The following OSBP2 variants were observed in gnomAD, a reference collection of about 807,000 sequenced individuals.
The protein encoded by OSBP2 is oxysterol binding protein 2, also known as oxysterol-binding protein 2.
OSBP2 carries 66 observed loss-of-function variants against 96.0 expected under a neutral mutation model. The ratio of observed to expected loss-of-function variants is 0.69; its 90% CI spans 0.56 to 0.84. OSBP2 has a LOEUF of 0.84. OSBP2 is among the 40% of genes least tolerant of loss of function. The pLI, the probability that OSBP2 is intolerant of heterozygous loss-of-function variation, is 0.00. For missense variants in OSBP2, 1,038 were observed against 1,222.7 expected, an observed-to-expected ratio of 0.85 and a Z score of 2.25; for synonymous variants, 525 against 520.9, an observed-to-expected ratio of 1.01 and a Z score of -0.11.
chr22:30,737,756 A>G (rs1474296824), intron 1 of OSBP2, among the ~76,000 whole-genome samples: 2 of 151,624 alleles, frequency 1.3e-5, no homozygotes, highest in African/African-American at 4.9e-5. Flanking sequence ...TCTGTTGCCC[A>G]GGCTGGAGTG....
intron 12 of OSBP2, among the ~76,000 whole-genome samples, chr22:30,903,522 A>G (rs1283339599): frequency 6.6e-6 from 1 of 152,220 alleles, no homozygotes; most frequent in Non-Finnish European, 1.5e-5. Context: ...TCCACGGAGA[A>G]AACACAGTGA....
intron 1 of OSBP2, among the ~76,000 whole-genome samples, chr22:30,725,076 T>C (rs1249256395): frequency 6.7e-6 from 1 of 149,524 alleles, no homozygotes; most frequent in Non-Finnish European, 1.5e-5. Context: ...CTCGGGAGGC[T>C]GAGGCAGGAG....
At chr22:30,905,757 G>C in intron 12 of OSBP2, 80 bp from the exon 13 acceptor site, 1 of 1,570,352 alleles carries the variant, frequency 6.4e-7, no homozygotes, top group Non-Finnish European at 8.6e-7. Flanking sequence ...AGGAGACACC[G>C]CCAGGCAGGG....
chr22:30,750,702 C>A (rs1053341930), intron 2 of OSBP2, among the ~76,000 whole-genome samples: 3 of 152,216 alleles, frequency 2.0e-5, no homozygotes, highest in African/African-American at 4.8e-5. Context: ...AACCTCTTAT[C>A]CCAACCCAGG....
chr22:30,865,044 A>G (rs573949464), intron 2 of OSBP2, among the ~76,000 whole-genome samples: 1 of 152,284 alleles, frequency 6.6e-6, no homozygotes, highest in Non-Finnish European at 1.5e-5. Context: ...GGCTTCCCCA[A>G]TGAGAAACTT....
chr22:30,789,667 G>A (rs1312048481), intron 2 of OSBP2, among the ~76,000 whole-genome samples: 1 of 152,238 alleles, frequency 6.6e-6, no homozygotes, highest in Non-Finnish European at 1.5e-5. Context: ...TTCCAAGGCT[G>A]TTGGAGGACC....
intron 2 of OSBP2, among the ~76,000 whole-genome samples, chr22:30,849,663 A>T (rs781117153): frequency 2.6e-5 from 4 of 152,150 alleles, no homozygotes; most frequent in Non-Finnish European, 5.9e-5. Flanking sequence ...TATTGGGAAA[A>T]ACTTCTCCTG....
chr22:30,748,747 A>ATTCC (rs1248028800), intron 2 of OSBP2, among the ~76,000 whole-genome samples: 3 of 152,250 alleles, frequency 2.0e-5, no homozygotes, highest in Non-Finnish European at 4.4e-5. Context: ...AAGATCACTT[A>ATTCC]TTAGAGACTA....
chr22:30,822,574 C>G (rs990865077), intron 2 of OSBP2: 1 of 1,516,214 alleles, frequency 6.6e-7, no homozygotes, highest in African/African-American at 1.4e-5. Flanking sequence ...CGTGCAAGCC[C>G]CCGGGACCCG....
chr22:30,854,203 T>C (rs760786990), intron 2 of OSBP2, among the ~76,000 whole-genome samples: 1 of 152,146 alleles, frequency 6.6e-6, no homozygotes, highest in Non-Finnish European at 1.5e-5. Flanking sequence ...CTGTGTCCTG[T>C]TTTGCTGTGT....
intron 2 of OSBP2, among the ~76,000 whole-genome samples, chr22:30,834,846 C>T (rs1053928950): frequency 6.7e-6 from 1 of 149,936 alleles, no homozygotes; most frequent in African/African-American, 2.5e-5. Flanking sequence ...GATGGAGTCT[C>T]GCTTGGTCGC....
At chr22:30,824,847 C>T (rs1013246698) in intron 2 of OSBP2, among the ~76,000 whole-genome samples, 7 of 152,162 alleles carry the variant, frequency 4.6e-5, no homozygotes, top group Non-Finnish European at 1.0e-4. Flanking sequence ...ATTTCAGCAG[C>T]AGGACAAGGT....
intron 2 of OSBP2, among the ~76,000 whole-genome samples, chr22:30,779,191 C>T (rs1229776727): frequency 6.6e-6 from 1 of 151,260 alleles, no homozygotes; most frequent in Non-Finnish European, 1.5e-5. Context: ...AAGTGGTTCT[C>T]CTGCCTCAGC....
intron 12 of OSBP2, among the ~76,000 whole-genome samples, chr22:30,897,341 G>A (rs1239399377): frequency 6.6e-6 from 1 of 152,174 alleles, no homozygotes. Context: ...AATCCAGCAA[G>A]TATATGGAGA....
intron 2 of OSBP2, among the ~76,000 whole-genome samples, chr22:30,831,750 G>C (rs1208009368): frequency 6.6e-6 from 1 of 152,082 alleles, no homozygotes; most frequent in Non-Finnish European, 1.5e-5. Flanking sequence ...CCACTCTTTA[G>C]CTTTCCCAAG....
At chr22:30,847,555 C>T (rs1029987204) in intron 2 of OSBP2, among the ~76,000 whole-genome samples, 3 of 152,218 alleles carry the variant, frequency 2.0e-5, no homozygotes, top group African/African-American at 4.8e-5. Flanking sequence ...GCTGAGATTA[C>T]AGGTGTGAGC....
At chr22:30,742,929 G>A (rs910359159) in intron 2 of OSBP2, among the ~76,000 whole-genome samples, 8 of 152,198 alleles carry the variant, frequency 5.3e-5, no homozygotes, top group African/African-American at 1.2e-4. Context: ...CCTTCCACAG[G>A]GGTTGTGCCA....
At chr22:30,819,655 T>C (rs2091124170) in intron 2 of OSBP2, among the ~76,000 whole-genome samples, 1 of 152,224 alleles carries the variant, frequency 6.6e-6, no homozygotes, top group East Asian at 1.9e-4. Flanking sequence ...TAGTGTAAAA[T>C]GATTACATAG....
At chr22:30,749,855 A>G (rs2090052266) in intron 2 of OSBP2, among the ~76,000 whole-genome samples, 1 of 151,824 alleles carries the variant, frequency 6.6e-6, no homozygotes, top group Admixed American at 6.6e-5. Flanking sequence ...TGATCTGCCC[A>G]CCTCAGCCTC....
Sources: gnomAD v4.1 joint callset for allele counts (sites outside exome capture counted in the v4.1 genomes callset) on GRCh38, gnomAD v4.1.1 for gene constraint, MANE v1.5 for transcripts, NCBI Gene and HGNC (gene_info 2026-07-23, HGNC 2026-07-21) for gene names.